CSMD3: variants seen among roughly 807,000 people sequenced by gnomAD.
The protein encoded by CSMD3 is CUB and sushi domain-containing protein 3.
Under a neutral mutation model 435.2 loss-of-function variants are expected in CSMD3, and 177 were observed. That is an observed-to-expected ratio of 0.41 (90% confidence interval 0.36 to 0.46). The LOEUF (loss-of-function observed/expected upper bound fraction) is 0.46, where lower values mean the gene tolerates loss of function less well. Among genes scored for constraint, CSMD3 ranks in the 20% least tolerant of loss-of-function variants. The pLI, the probability that CSMD3 is intolerant of heterozygous loss-of-function variation, is 0.34. For synonymous variants in CSMD3, 1,656 were observed against 1,520.5 expected, an observed-to-expected ratio of 1.09 and a Z score of -2.07; for missense variants, 4,265 against 4,504.6, an observed-to-expected ratio of 0.95 and a Z score of 1.52.
At chr8:113,073,884 C>T (rs1440134173) in intron 5 of CSMD3, among the ~76,000 whole-genome samples, 1 of 151,762 alleles carries the variant, frequency 6.6e-6, no homozygotes, top group Non-Finnish European at 1.5e-5. Context: ...TAAAATTTAG[C>T]TGAAATATAT....
chr8:113,019,713 A>G (rs2086615203), intron 5 of CSMD3, among the ~76,000 whole-genome samples: 1 of 151,924 alleles, frequency 6.6e-6, no homozygotes, highest in South Asian at 2.1e-4. Flanking sequence ...CCAGAGTGAG[A>G]CTGTACAGTT....
At chr8:112,613,691 T>C (rs1234075619) in intron 22 of CSMD3, among the ~76,000 whole-genome samples, 1 of 152,140 alleles carries the variant, frequency 6.6e-6, no homozygotes, top group Non-Finnish European at 1.5e-5. Context: ...TTGTTGAGCA[T>C]CTACTATGTA....
At chr8:112,576,657 A>G (rs184026890) in intron 23 of CSMD3, among the ~76,000 whole-genome samples, 2 of 151,994 alleles carry the variant, frequency 1.3e-5, no homozygotes, top group Admixed American at 6.6e-5. Context: ...CAGACTCCCA[A>G]GTAGCTTGCA....
At chr8:112,684,317 C>T (rs1360341620) in intron 15 of CSMD3, among the ~76,000 whole-genome samples, 2 of 152,020 alleles carry the variant, frequency 1.3e-5, no homozygotes, top group African/African-American at 4.8e-5. Flanking sequence ...TACATGTTTA[C>T]AATTTACAGC....
intron 11 of CSMD3, among the ~76,000 whole-genome samples, chr8:112,852,632 G>GA (rs1380909522): frequency 6.6e-6 from 1 of 151,966 alleles, no homozygotes. Context: ...TATCAATTAA[G>GA]AAAAAATAGG....
chr8:112,603,689 C>A (rs889101638), intron 22 of CSMD3, among the ~76,000 whole-genome samples: 2 of 152,122 alleles, frequency 1.3e-5, no homozygotes, highest in African/African-American at 2.4e-5. Context: ...TTTATGCATT[C>A]ATGACATATC....
At chr8:113,315,152 A>G (rs1008407716) in intron 1 of CSMD3, among the ~76,000 whole-genome samples, 1 of 152,184 alleles carries the variant, frequency 6.6e-6, no homozygotes, top group Non-Finnish European at 1.5e-5. Flanking sequence ...GGGAGCTCAT[A>G]AACAACACTG....
At chr8:113,054,564 T>C (rs1239151511) in intron 5 of CSMD3, among the ~76,000 whole-genome samples, 1 of 152,176 alleles carries the variant, frequency 6.6e-6, no homozygotes, top group Non-Finnish European at 1.5e-5. Flanking sequence ...AAATTTCCTA[T>C]TTGTTTGTCT....
At chr8:113,377,579 T>A (rs962723635) in intron 1 of CSMD3, among the ~76,000 whole-genome samples, 2 of 152,142 alleles carry the variant, frequency 1.3e-5, no homozygotes, top group African/African-American at 4.8e-5. Flanking sequence ...AAGGTACACA[T>A]TTCAATTTTT....
chr8:113,275,995 C>CA (rs1473054048), intron 3 of CSMD3, among the ~76,000 whole-genome samples: 2 of 151,928 alleles, frequency 1.3e-5, no homozygotes, highest in Non-Finnish European at 2.9e-5. Context: ...GAGTGGGAGA[C>CA]AGATTTTGTA....
At chr8:112,952,134 A>G (rs1354123923) in intron 8 of CSMD3, among the ~76,000 whole-genome samples, 1 of 151,368 alleles carries the variant, frequency 6.6e-6, no homozygotes, top group Non-Finnish European at 1.5e-5. Context: ...GGGGCAATTC[A>G]GAGTTCAGGT....
At chr8:113,035,713 ATGTT>A (rs1420025156) in intron 5 of CSMD3, among the ~76,000 whole-genome samples, 1 of 151,980 alleles carries the variant, frequency 6.6e-6, no homozygotes, top group East Asian at 1.9e-4. Flanking sequence ...CATTAACAAA[ATGTT>A]ACTGTGCTTA....
At position 112,400,929 on chromosome 8, in the gene CSMD3, A is replaced by G. The variant is rs116655289; in HGVS notation, c.5809+5595T>C. 6.3e-3 allele frequency among the ~76,000 whole-genome samples: 962 copies of G among 152,260 alleles called. 8 individuals are homozygous for G. The highest frequency in any genetic ancestry group is 0.022 in the African/African-American group (921 of 41,556). Reference sequence around the variant, plus strand: ...GGTTTAAAATTTATAGTCTTGGGCCAGGCCCGGTGGCTCACACCTGTAATC... The same window carrying G: ...GGTTTAAAATTTATAGTCTTGGGCCGGGCCCGGTGGCTCACACCTGTAATC... On this transcript the variant is annotated intron_variant, in intron 35 of 70. Transcript: ENST00000297405.
At chr8:112,747,806 A>G (rs2077469182) in intron 13 of CSMD3, among the ~76,000 whole-genome samples, 1 of 152,096 alleles carries the variant, frequency 6.6e-6, no homozygotes, top group South Asian at 2.1e-4. Flanking sequence ...TACTAAAAAT[A>G]CAAAAAATTA....
intron 5 of CSMD3, among the ~76,000 whole-genome samples, chr8:113,023,995 A>G (rs1375553594): frequency 6.6e-6 from 1 of 152,060 alleles, no homozygotes; most frequent in African/African-American, 2.4e-5. Context: ...TAGTTACCCT[A>G]CAGTGCAATA....
At chr8:112,366,905 C>T (rs544757992) in intron 38 of CSMD3, among the ~76,000 whole-genome samples, 3 of 152,222 alleles carry the variant, frequency 2.0e-5, no homozygotes, top group African/African-American at 7.2e-5. Flanking sequence ...CTTGATAGAG[C>T]TTTGTTGAGA....
intron 63 of CSMD3, among the ~76,000 whole-genome samples, chr8:112,248,597 A>G (rs1814976724): frequency 6.6e-6 from 1 of 152,046 alleles, no homozygotes; most frequent in Admixed American, 6.6e-5. Context: ...AGGACTTATC[A>G]CTCAGATCCT....
intron 2 of CSMD3, chr8:113,310,947 A>C (rs1362715573): frequency 6.6e-6 from 1 of 151,960 alleles, no homozygotes; most frequent in African/African-American, 2.4e-5. Context: ...TATACTTAAC[A>C]AATTCAATAA....
At chr8:112,548,532 C>G (rs1827391798) in intron 27 of CSMD3, among the ~76,000 whole-genome samples, 1 of 152,086 alleles carries the variant, frequency 6.6e-6, no homozygotes, top group African/African-American at 2.4e-5. Context: ...GTTGTATGAT[C>G]TTGAACAAAT....
Sources: allele counts gnomAD v4.1 joint callset (sites outside exome capture counted in the v4.1 genomes callset), GRCh38; gene constraint gnomAD v4.1.1; transcripts MANE v1.5; gene names NCBI Gene and HGNC (gene_info 2026-07-23, HGNC 2026-07-21).